SEMA3A: variants seen among roughly 807,000 people sequenced by gnomAD.
The protein encoded by SEMA3A is semaphorin-3A.
A neutral mutation model predicts 97.9 loss-of-function variants in SEMA3A; 29 were observed. The observed-to-expected ratio is 0.30, with a 90% CI of 0.22 to 0.40. The LOEUF (loss-of-function observed/expected upper bound fraction) is 0.40. SEMA3A is among the 10% of genes least tolerant of loss of function. The probability of loss-of-function intolerance (pLI) is 1.00; values close to 1 mark genes in which losing one functional copy is unlikely to be tolerated. For missense variants in SEMA3A, 763 were observed against 951.3 expected (o/e 0.80, Z 2.60); for synonymous variants, 321 against 323.7 (o/e 0.99, Z 0.09).
intron 2 of SEMA3A, among the ~76,000 whole-genome samples, chr7:84,351,416 TA>T: frequency 6.6e-6 from 1 of 152,100 alleles, no homozygotes; most frequent in Non-Finnish European, 1.5e-5. Context: ...TGATAACTTT[TA>T]CCTCCATATT....
chr7:84,483,626 T>G (rs1044548478), intron 1 of SEMA3A, among the ~76,000 whole-genome samples: 1 of 152,196 alleles, frequency 6.6e-6, no homozygotes, highest in African/African-American at 2.4e-5. Context: ...CATGGTTCTT[T>G]CTTGTTCTAG....
intron 1 of SEMA3A, among the ~76,000 whole-genome samples, chr7:84,175,930 T>C (rs1038384774): frequency 1.3e-5 from 2 of 152,152 alleles, no homozygotes; most frequent in Admixed American, 1.3e-4. Context: ...GCACTTTTTA[T>C]TTATGGTCAC....
At chr7:84,082,924 T>C (rs192783102) in intron 4 of SEMA3A, among the ~76,000 whole-genome samples, 1 of 151,946 alleles carries the variant, frequency 6.6e-6, no homozygotes, top group African/African-American at 2.4e-5. Flanking sequence ...TATGATGGGA[T>C]GATATTCTTA....
intron 4 of SEMA3A, among the ~76,000 whole-genome samples, chr7:84,065,271 T>A: frequency 8.5e-6 from 1 of 117,490 alleles, no homozygotes; most frequent in Non-Finnish European, 1.8e-5. Context: ...TTCAAAGCAG[T>A]GTGTAGAGGG....
At chr7:84,197,395 A>G (rs969815169), upstream of SEMA3A, among the ~76,000 whole-genome samples, 1 of 152,204 alleles carries the variant, frequency 6.6e-6, no homozygotes. Context: ...TGATTAAATT[A>G]TAAAATACTA....
chr7:84,014,307 G>T lies in SEMA3A; in HGVS notation c.712C>A (p.Pro238Thr). 6.2e-7 allele frequency: 1 copy of T among 1,612,424 alleles called. No individual in the cohort carries two copies. The highest frequency in any genetic ancestry group is 8.5e-7 in the Non-Finnish European group (1 of 1,178,940). The change falls in exon 7 of 17, where the codon CCT (proline) becomes ACT (threonine). Residue 238 changes from proline (P) to threonine (T), a missense_variant. By Grantham distance (38) the Pro-to-Thr change is conservative. This residue lies in a region of SEMA3A where 678 missense variants were observed against 881.3 expected (regional missense o/e 0.77). Transcript: ENST00000265362. Reference sequence around the variant, plus strand: ...AAAAAGTATACTTTGTCATCTTCAGGATTGTCACTCTCTGAGATGAGGTGG... The same window carrying T: ...AAAAAGTATACTTTGTCATCTTCAGTATTGTCACTCTCTGAGATGAGGTGG... ...SAHLISESDN[P>T]EDDKVYFFFR... is the part of the protein sequence containing the mutation.
intron 1 of SEMA3A, among the ~76,000 whole-genome samples, chr7:84,459,515 A>T (rs1397205620): frequency 6.6e-6 from 1 of 152,186 alleles, no homozygotes; most frequent in Non-Finnish European, 1.5e-5. Context: ...GTTAGTAGAG[A>T]TGAAATAAAC....
chr7:84,167,836 A>C (rs1225247631), intron 1 of SEMA3A, among the ~76,000 whole-genome samples: 2 of 152,214 alleles, frequency 1.3e-5, no homozygotes, highest in East Asian at 3.8e-4. Flanking sequence ...AAGAGCCATA[A>C]TATTGAGACT....
chr7:84,295,204 T>C lies in SEMA3A; in HGVS notation c.-83+12003A>G, dbSNP rs142039216. 1.4e-3 allele frequency among the ~76,000 whole-genome samples: 209 copies of C among 152,186 alleles called. 1 individual carries two copies. The highest frequency in any genetic ancestry group is 2.3e-3 in the Non-Finnish European group (153 of 67,954). On this transcript the variant is annotated intron_variant, in intron 3 of 3. Transcript: ENST00000424555. ...TTGTAGTCTAGACTAGCAATTGGTCTAGAATATTTCTATAAGACAATGGTC... is the reference window on the plus strand; with the variant it reads ...TTGTAGTCTAGACTAGCAATTGGTCCAGAATATTTCTATAAGACAATGGTC...
intron 15 of SEMA3A, among the ~76,000 whole-genome samples, chr7:83,974,543 T>C (rs1789058833): frequency 6.6e-6 from 1 of 152,178 alleles, no homozygotes; most frequent in South Asian, 2.1e-4. Flanking sequence ...TGAGCACATA[T>C]ATTTTATTCA....
At chr7:84,173,044 G>C (rs1026145608) in intron 1 of SEMA3A, among the ~76,000 whole-genome samples, 19 of 152,028 alleles carry the variant, frequency 1.2e-4, no homozygotes, top group Admixed American at 1.0e-3. Context: ...GTAAGTTTTT[G>C]TTTCTGCCAA....
At chr7:84,340,892 A>T (rs1037034599) in intron 2 of SEMA3A, among the ~76,000 whole-genome samples, 3 of 152,116 alleles carry the variant, frequency 2.0e-5, no homozygotes, top group African/African-American at 7.2e-5. Flanking sequence ...TATTTGATAG[A>T]TTTATATTTT....
intron 1 of SEMA3A, among the ~76,000 whole-genome samples, chr7:84,165,755 G>C (rs1797186788): frequency 6.6e-6 from 1 of 152,036 alleles, no homozygotes; most frequent in Non-Finnish European, 1.5e-5. Context: ...GTTTCACCAT[G>C]CTGATGGACC....
At chr7:84,324,539 G>C (rs1801728020) in intron 2 of SEMA3A, among the ~76,000 whole-genome samples, 1 of 152,108 alleles carries the variant, frequency 6.6e-6, no homozygotes, top group African/African-American at 2.4e-5. Flanking sequence ...AACAAATGCT[G>C]TTTTGGCTGA....
chr7:84,383,116 A>C (rs1030643815), intron 1 of SEMA3A, among the ~76,000 whole-genome samples: 1 of 152,142 alleles, frequency 6.6e-6, no homozygotes, highest in Non-Finnish European at 1.5e-5. Flanking sequence ...AATAAAAAAG[A>C]AATAACAAAG....
intron 3 of SEMA3A, among the ~76,000 whole-genome samples, chr7:84,279,420 G>A (rs557621620): frequency 2.7e-5 from 4 of 150,330 alleles, no homozygotes; most frequent in African/African-American, 9.8e-5. Context: ...TCCACATTGA[G>A]GAACATTCTA....
At chr7:84,375,056 G>T (rs1803064773) in intron 1 of SEMA3A, among the ~76,000 whole-genome samples, 1 of 152,122 alleles carries the variant, frequency 6.6e-6, no homozygotes, top group Admixed American at 6.5e-5. Context: ...GTCTCACTCT[G>T]TCACCCAGGC....
chr7:84,347,480 C>A (rs954206606), intron 2 of SEMA3A, among the ~76,000 whole-genome samples: 4 of 149,396 alleles, frequency 2.7e-5, no homozygotes, highest in African/African-American at 7.4e-5. Context: ...GGCGCGATCT[C>A]AGCTCATTGC....
chr7:84,259,444 T>C (rs1258997006), intron 3 of SEMA3A, among the ~76,000 whole-genome samples: 1 of 152,126 alleles, frequency 6.6e-6, no homozygotes, highest in Non-Finnish European at 1.5e-5. Flanking sequence ...AGGTGGAAGT[T>C]ATGTAAGATA....
Sources: gnomAD v4.1 joint callset for allele counts (sites outside exome capture counted in the v4.1 genomes callset) on GRCh38, gnomAD v4.1.1 for gene constraint, gnomAD v4.1.1 regional missense constraint, MANE v1.5 for transcripts, NCBI Gene and HGNC (gene_info 2026-07-23, HGNC 2026-07-21) for gene names.